The following ATG4B variants were observed in gnomAD, a reference collection of about 807,000 sequenced individuals.
The protein encoded by ATG4B is cysteine protease ATG4B.
ATG4B carries 29 observed loss-of-function variants against 56.6 expected under a neutral mutation model. That is an observed-to-expected ratio of 0.51 (90% CI 0.38 to 0.70). The LOEUF is 0.70. Ranked by LOEUF, ATG4B falls within the 30% of genes least tolerant of loss-of-function variation. The pLI is 0.00. For synonymous variants in ATG4B, 224 were observed against 206.1 expected, an observed-to-expected ratio of 1.09 and a Z score of -0.74; for missense variants, 461 against 515.5, an observed-to-expected ratio of 0.89 and a Z score of 1.02.
rs1458007781 is a variant in ATG4B, at chr2:241,658,052, A to AGTGCCACTCCCCGTTCCT, written c.459-1054_459-1037dup. 2.6e-5 allele frequency among the ~76,000 whole-genome samples: 4 copies of AGTGCCACTCCCCGTTCCT among 152,324 alleles called. No homozygotes were observed. The East Asian group carries it at 7.7e-4, about 29-fold the overall frequency. The stretch of plus-strand genomic sequence containing the variant: ...AGGTCTTCCCTGTGGCTACGTTAGT[A>AGTGCCACTCCCCGTTCCT]GTGCCACTCCCCGTTCCTGCGTTAC... On this transcript the variant is annotated intron_variant, in intron 6 of 12. Transcript: ENST00000404914.
rs1229981442 is a variant in ATG4B at position 241,668,248 on chromosome 2, C to G, written c.811+27C>G. 1 of 1,570,046 alleles carries G rather than the reference C, an allele frequency of 6.4e-7. No homozygotes were observed. Among genetic ancestry groups the G allele is most frequent in the Non-Finnish European group, 8.6e-7 (1 of 1,157,764 alleles). ...TGAGTCCAGGGTTCCCACCGTGTCC[C>G]TGTGGGCCTGGGCCTTTTAAGGGCA... On this transcript the variant is annotated intron_variant, in intron 9 of 12. Transcript: ENST00000404914. This position sits in a 1 kb window ranked among gnomAD's most constrained non-coding sequence, Gnocchi z 4.2.
At chr2:241,641,317 G>C (rs62193476) in intron 1 of ATG4B, among the ~76,000 whole-genome samples, 1 of 151,968 alleles carries the variant, frequency 6.6e-6, no homozygotes, top group Non-Finnish European at 1.5e-5. Context: ...TTGAGAGGCC[G>C]AGGTGGGCGG....
At chr2:241,638,022 C>G (rs545121828) in intron 1 of ATG4B, among the ~76,000 whole-genome samples, 2 of 151,548 alleles carry the variant, frequency 1.3e-5, no homozygotes, top group South Asian at 4.1e-4. Context: ...GGCCCTTGCG[C>G]CAGGTCGGCC....
chr2:241,651,628 T>C lies in ATG4B; in HGVS notation c.184+293T>C, dbSNP rs1233220597. Among the ~76,000 whole-genome samples the C allele has an allele frequency of 2.0e-5, 3 of 152,246 alleles. No individual in the cohort carries two copies. The highest frequency in any genetic ancestry group is 7.2e-5 in the African/African-American group (3 of 41,462). ...GTTTTAAATGTAGGACAGAATGTCA[T>C]AGAAAGCGGTGTGTGTCCGCCACGG... On this transcript the variant is annotated intron_variant, in intron 3 of 12. Transcript: ENST00000404914. The surrounding 1 kb of genome is among the most constrained non-coding windows in gnomAD (Gnocchi z 4.1).
Position 241,657,290 on chromosome 2 carries a change from C to CT in ATG4B, c.459-1804dup, listed in dbSNP as rs770740815. On this transcript the variant is annotated intron_variant, in intron 6 of 12. Coordinates refer to ENST00000404914, the MANE Select transcript of ATG4B (RefSeq NM_013325.5). ...GCGCCTGGCCAGGACTCCTCTCTTT[C>CT]TTTTTTTTTTTTTTATTTTTTTTCC... 3.7e-3 allele frequency among the ~76,000 whole-genome samples: 476 copies of CT among 128,474 alleles called. 1 individual carries two copies. Among genetic ancestry groups the CT allele is most frequent in the Non-Finnish European group, 3.8e-3 (229 of 60,194 alleles). 84.3% of individuals were successfully genotyped at this position (128,474 alleles called of 152,430 possible). A position where few individuals can be genotyped will look rare whatever the true frequency, so the allele number is the denominator to read the frequency against.
intron 7 of ATG4B, among the ~76,000 whole-genome samples, chr2:241,664,581 T>TG (rs1271559912): frequency 6.6e-6 from 1 of 152,028 alleles, no homozygotes; most frequent in African/African-American, 2.4e-5. Flanking sequence ...AGGCTGGGCG[T>TG]GGTAGCTCCT....
intron 4 of ATG4B, 48 bp from the exon 5 acceptor site, chr2:241,654,498 G>T: frequency 7.6e-7 from 1 of 1,316,250 alleles, no homozygotes; most frequent in Admixed American, 2.1e-5. Flanking sequence ...GTGAAAACTT[G>T]TTTCTCATAT....
At chr2:241,647,659 C>T (rs1046762904) in intron 1 of ATG4B, among the ~76,000 whole-genome samples, 7 of 150,886 alleles carry the variant, frequency 4.6e-5, no homozygotes, top group African/African-American at 1.7e-4. Context: ...GAAATTAGAC[C>T]GGTGGTGTTT....
intron 1 of ATG4B, among the ~76,000 whole-genome samples, chr2:241,645,019 T>G (rs2068020656): frequency 6.6e-6 from 1 of 152,094 alleles, no homozygotes; most frequent in Admixed American, 6.5e-5. Context: ...TAAAGTAAGA[T>G]CTGGAAGGTC....
Position 241,668,196 on chromosome 2 carries a change from C to A in ATG4B, c.786C>A (p.Ser262Arg). Residue 262 changes from serine to arginine, a missense_variant, in exon 9 of 13, where the codon AGC becomes AGA. By Grantham distance (110) the Ser-to-Arg change is moderately radical (BLOSUM62 -1). Transcript: ENST00000404914. This position sits in a 1 kb window ranked among gnomAD's most constrained non-coding sequence, Gnocchi z 4.2. The part of the protein sequence containing the change: ...SLGVIGGKPN[S>R]AHYFIGYVGE... ...GCGTCATCGGAGGGAAGCCCAACAG[C>A]GCCCACTACTTCATCGGCTACGTTG... is the stretch of plus-strand genomic sequence containing the variant. The A allele has an allele frequency of 6.2e-7, 1 of 1,607,452 alleles. No homozygotes were observed. The highest frequency in any genetic ancestry group is 8.5e-7 in the Non-Finnish European group (1 of 1,177,358).
intron 1 of ATG4B, 93 bp from the exon 2 acceptor site, chr2:241,650,917 C>A (rs1211402057): frequency 5.7e-6 from 6 of 1,054,950 alleles, no homozygotes; most frequent in Non-Finnish European, 8.3e-6. Flanking sequence ...TACAGTTGTT[C>A]TCTTCAGCAC....
intron 7 of ATG4B, among the ~76,000 whole-genome samples, chr2:241,659,925 C>T (rs1276252997): frequency 6.6e-6 from 1 of 152,170 alleles, no homozygotes; most frequent in Non-Finnish European, 1.5e-5. Context: ...GGCGCGGTGG[C>T]TCATGCCTGT....
chr2:241,671,466 C>T (rs376405210), intron 12 of ATG4B, 61 bp downstream of exon 12: 461 of 1,590,506 alleles, frequency 2.9e-4, no homozygotes, highest in Non-Finnish European at 3.7e-4. Flanking sequence ...CTTGCTTCCC[C>T]AGTCCTGGCC....
chr2:241,642,569 G>T (rs1242086598), intron 1 of ATG4B, among the ~76,000 whole-genome samples: 4 of 150,348 alleles, frequency 2.7e-5, no homozygotes, highest in African/African-American at 4.9e-5. Flanking sequence ...AAATTTACTC[G>T]TTTTTTTTTG....
At chr2:241,665,904 ACTGTCACTGTCAC>A (rs895959998) in intron 7 of ATG4B, among the ~76,000 whole-genome samples, 9 of 150,876 alleles carry the variant, frequency 6.0e-5, no homozygotes, top group South Asian at 2.1e-4. Context: ...GTCACCTGTC[ACTGTCACTGTCAC>A]CTGTCACTGT....
intron 7 of ATG4B, among the ~76,000 whole-genome samples, chr2:241,664,327 G>C (rs2068692607): frequency 6.6e-6 from 1 of 152,068 alleles, no homozygotes; most frequent in African/African-American, 2.4e-5. Context: ...CCAGGAGTTT[G>C]AGACCAGCCG....
rs1478813513 is a variant in ATG4B at position 241,651,240 on chromosome 2, T to C, written c.113-24T>C. On this transcript the variant is annotated intron_variant, in intron 2 of 12. Transcript: ENST00000404914. The surrounding 1 kb of genome is among the most constrained non-coding windows in gnomAD (Gnocchi z 4.1). ...ACTTAAGGCGTTGTGTGTGTGTGTT[T>C]TTTTTCTTTTAAACAACCTCTAGAA... The C allele has an allele frequency of 1.3e-6, 2 of 1,584,522 alleles. No individual in the cohort carries two copies. Among genetic ancestry groups the C allele is most frequent in the Admixed American group, 1.8e-5 (1 of 54,828 alleles).
chr2:241,656,852 C>T (rs771675018), intron 6 of ATG4B, among the ~76,000 whole-genome samples: 16 of 152,246 alleles, frequency 1.1e-4, no homozygotes, highest in Non-Finnish European at 2.1e-4. Flanking sequence ...CTCGCTCTGT[C>T]GCCAGGCTGG....
At chr2:241,645,799 C>T (rs1010663069) in intron 1 of ATG4B, among the ~76,000 whole-genome samples, 3 of 151,804 alleles carry the variant, frequency 2.0e-5, no homozygotes, top group Admixed American at 1.3e-4. Flanking sequence ...TCAGAGTGTC[C>T]GCCACTAGCC....
Sources: allele counts gnomAD v4.1 joint callset (sites outside exome capture counted in the v4.1 genomes callset), GRCh38; gene constraint gnomAD v4.1.1; non-coding constraint Gnocchi (gnomAD v3.1); transcripts MANE v1.5; gene names NCBI Gene and HGNC (gene_info 2026-07-23, HGNC 2026-07-21).